ZNF407: variants seen among roughly 807,000 people sequenced by gnomAD.
The protein encoded by ZNF407 is zinc finger protein 407.
A neutral mutation model predicts 131.2 loss-of-function variants in ZNF407; 17 were observed. The observed-to-expected ratio is 0.13, with a 90% CI of 0.09 to 0.19. ZNF407 has a LOEUF of 0.19. Ranked by LOEUF, ZNF407 falls within the 10% of genes least tolerant of loss-of-function variation. The pLI is 1.00. For synonymous variants in ZNF407, 1,156 were observed against 1,062.0 expected (o/e 1.09, Z -1.72); for missense variants, 2,681 against 2,830.6 (o/e 0.95, Z 1.20).
intron 4 of ZNF407, among the ~76,000 whole-genome samples, chr18:74,847,123 A>G (rs202079766): frequency 4.3e-4 from 65 of 152,330 alleles, no homozygotes; most frequent in African/African-American, 1.4e-3. Context: ...TTCTTGTGCA[A>G]TAGAGTTTGA....
At chr18:74,877,476 C>A in intron 5 of ZNF407, 113 bp downstream of exon 5, 4 of 1,013,574 alleles carry the variant, frequency 3.9e-6, no homozygotes, top group Non-Finnish European at 5.8e-6. Context: ...GAAATGATGT[C>A]CTGCTTTAAG....
intron 3 of ZNF407, among the ~76,000 whole-genome samples, chr18:74,771,870 AT>A (rs1969369384): frequency 6.6e-6 from 1 of 152,138 alleles, no homozygotes; most frequent in African/African-American, 2.4e-5. Context: ...TTAAAAAAAA[AT>A]CTCTATGCTT....
intron 7 of ZNF407, among the ~76,000 whole-genome samples, chr18:74,892,175 T>C (rs926547594): frequency 3.3e-5 from 5 of 152,172 alleles, no homozygotes; most frequent in Non-Finnish European, 5.9e-5. Flanking sequence ...AGTTTTTAAA[T>C]AGGAGGAGTT....
At chr18:74,726,727 G>C (rs1388565014) in intron 3 of ZNF407, among the ~76,000 whole-genome samples, 1 of 152,074 alleles carries the variant, frequency 6.6e-6, no homozygotes, top group African/African-American at 2.4e-5. Flanking sequence ...TGAATCATAG[G>C]TTACTAAATT....
At chr18:74,782,548 C>G (rs1260571325) in intron 4 of ZNF407, among the ~76,000 whole-genome samples, 1 of 144,016 alleles carries the variant, frequency 6.9e-6, no homozygotes, top group Non-Finnish European at 1.5e-5. Context: ...CCCTCCGCTC[C>G]CCTCCCCTCC....
intron 8 of ZNF407, among the ~76,000 whole-genome samples, chr18:75,047,534 G>A (rs1234874570): frequency 4.0e-5 from 6 of 151,732 alleles, no homozygotes; most frequent in African/African-American, 1.5e-4. Flanking sequence ...TTTTCCAAGA[G>A]GATTTTTTTT....
intron 8 of ZNF407, among the ~76,000 whole-genome samples, chr18:74,990,703 C>T (rs980137980): frequency 2.0e-4 from 30 of 152,186 alleles, no homozygotes; most frequent in African/African-American, 6.0e-4. Context: ...CTTACAGAAG[C>T]AAAACAAAAC....
intron 8 of ZNF407, among the ~76,000 whole-genome samples, chr18:75,022,310 AAGTG>A (rs1323694712): frequency 6.6e-6 from 1 of 152,180 alleles, no homozygotes; most frequent in Non-Finnish European, 1.5e-5. Flanking sequence ...AAGAGAAAGA[AAGTG>A]AGAGAACTAT....
chr18:74,877,108 G>A (rs546813092), intron 4 of ZNF407, 89 bp from the exon 5 acceptor site: 7 of 1,147,126 alleles, frequency 6.1e-6, no homozygotes, highest in Admixed American at 3.5e-5. Flanking sequence ...CGTGTGCACC[G>A]CACCTCAGGG....
At chr18:74,871,294 CTT>C (rs1279111006) in intron 4 of ZNF407, among the ~76,000 whole-genome samples, 1 of 152,096 alleles carries the variant, frequency 6.6e-6, no homozygotes, top group Non-Finnish European at 1.5e-5. Flanking sequence ...CATTCCCTCT[CTT>C]AGTATATTAT....
At chr18:74,977,326 C>T (rs915024639) in intron 8 of ZNF407, among the ~76,000 whole-genome samples, 2 of 152,196 alleles carry the variant, frequency 1.3e-5, no homozygotes, top group African/African-American at 4.8e-5. Flanking sequence ...CAGTCATCAG[C>T]GAAGCTGTGC....
chr18:74,636,337 A>T (rs1010317687), intron 2 of ZNF407, among the ~76,000 whole-genome samples: 5 of 120,570 alleles, frequency 4.1e-5, no homozygotes, highest in Non-Finnish European at 8.0e-5. Flanking sequence ...GAAAGTTTTT[A>T]AAAAAACATT....
chr18:74,924,712 C>G (rs1971890164), intron 8 of ZNF407, among the ~76,000 whole-genome samples: 1 of 152,066 alleles, frequency 6.6e-6, no homozygotes, highest in Non-Finnish European at 1.5e-5. Context: ...AAATATAACC[C>G]CAGAGAAAGG....
chr18:74,741,750 A>T (rs955361502), intron 3 of ZNF407, among the ~76,000 whole-genome samples: 4 of 152,140 alleles, frequency 2.6e-5, no homozygotes, highest in African/African-American at 9.7e-5. Flanking sequence ...ACAAGAAGGG[A>T]TACTCCTTGG....
At chr18:74,672,131 C>T (rs1017928088) in intron 3 of ZNF407, among the ~76,000 whole-genome samples, 1 of 152,164 alleles carries the variant, frequency 6.6e-6, no homozygotes, top group Non-Finnish European at 1.5e-5. Flanking sequence ...GGAATTGCCA[C>T]ACTGCTTTCC....
chr18:74,800,463 G>C (rs1318641973), intron 4 of ZNF407, among the ~76,000 whole-genome samples: 1 of 151,846 alleles, frequency 6.6e-6, no homozygotes, highest in Non-Finnish European at 1.5e-5. Flanking sequence ...CAGTTGTTGA[G>C]ATCTTCAGTC....
chr18:74,970,300 A>G (rs903842913), intron 8 of ZNF407, among the ~76,000 whole-genome samples: 1 of 152,142 alleles, frequency 6.6e-6, no homozygotes, highest in African/African-American at 2.4e-5. Flanking sequence ...TCACATTTCA[A>G]AACCAATCAT....
chr18:74,739,346 T>A (rs1487672410), intron 3 of ZNF407, among the ~76,000 whole-genome samples: 1 of 151,950 alleles, frequency 6.6e-6, no homozygotes, highest in Non-Finnish European at 1.5e-5. Context: ...AAGGGACACC[T>A]GGCTTTTCTC....
At chr18:74,908,413 G>A (rs1281123815) in intron 7 of ZNF407, among the ~76,000 whole-genome samples, 2 of 152,016 alleles carry the variant, frequency 1.3e-5, no homozygotes, top group African/African-American at 2.4e-5. Context: ...TATAAAATAA[G>A]CAGTTGAATG....
Sources: gnomAD v4.1 joint callset for allele counts (sites outside exome capture counted in the v4.1 genomes callset) on GRCh38, gnomAD v4.1.1 for gene constraint, MANE v1.5 for transcripts, NCBI Gene and HGNC (gene_info 2026-07-23, HGNC 2026-07-21) for gene names.